Variants in CACNG6 observed in about 807,000 individuals in gnomAD.
CACNG6 encodes the protein voltage-dependent calcium channel gamma-6 subunit.
CACNG6 carries 21 observed loss-of-function variants against 23.9 expected under a neutral mutation model. The ratio of observed to expected loss-of-function variants is 0.88; its 90% CI spans 0.62 to 1.26. CACNG6 has a LOEUF of 1.26. Ranked by LOEUF, CACNG6 falls within the 50% of genes most tolerant of loss-of-function variation. The pLI, the probability that CACNG6 is intolerant of heterozygous loss-of-function variation, is 0.00. For missense variants in CACNG6, 340 were observed against 352.9 expected, an observed-to-expected ratio of 0.96 and a Z score of 0.29; for synonymous variants, 182 against 168.9, an observed-to-expected ratio of 1.08 and a Z score of -0.60.
At chr19:53,995,005 T>C (rs1242879614) in intron 1 of CACNG6, among the ~76,000 whole-genome samples, 3 of 152,036 alleles carry the variant, frequency 2.0e-5, no homozygotes, top group Non-Finnish European at 4.4e-5. Flanking sequence ...TCAAGCATCA[T>C]AGCTAGCCTA....
chr19:54,012,040 C>A lies in CACNG6; in HGVS notation c.634C>A (p.Arg212Ser), dbSNP rs201389291. Residue 212 changes from arginine to serine, a missense_variant, in exon 4 of 4, where the codon CGC becomes AGC. Arg to Ser is a moderately radical substitution (Grantham distance 110). Coordinates refer to ENST00000252729, the MANE Select transcript of CACNG6 (RefSeq NM_145814.2). ...RVSPEPPPAP[R>S]LTYEYSWSLG... Reference sequence around the variant, plus strand: ...CAGCCCGGAGCCTCCCCCGGCCCCACGCCTCACCTACGAGTACTCCTGGTC... The same window carrying A: ...CAGCCCGGAGCCTCCCCCGGCCCCAAGCCTCACCTACGAGTACTCCTGGTC... 3.1e-6 allele frequency: 5 copies of A among 1,605,834 alleles called. No individual in the cohort carries two copies. The highest frequency in any genetic ancestry group is 4.2e-6 in the Non-Finnish European group (5 of 1,176,884).
At position 54,012,234 on chromosome 19, in the gene CACNG6, C is replaced by T; in HGVS notation, c.*45C>T. 1.2e-6 allele frequency: 1 copy of T among 867,174 alleles called. No homozygotes were observed. Among genetic ancestry groups the T allele is most frequent in the Non-Finnish European group, 1.7e-6 (1 of 598,176 alleles). The allele number at this position is 867,174 out of a possible 1,614,324, so 53.7% of individuals were successfully genotyped here. A position where few individuals can be genotyped will look rare whatever the true frequency, so the allele number is the denominator to read the frequency against. On this transcript the variant is annotated 3_prime_UTR_variant, in exon 4 of 4. Transcript: ENST00000252729. ...CTAAGCAACCACCGAGCCCTTTGAC[C>T]TTCTCCATTGTACCCCCAAGATCTT...
At chr19:53,995,650 C>T (rs773810178) in intron 1 of CACNG6, among the ~76,000 whole-genome samples, 21 of 152,348 alleles carry the variant, frequency 1.4e-4, no homozygotes, top group South Asian at 8.3e-4. Flanking sequence ...CGCTCAGTGA[C>T]GTGAAGCACC....
rs1333532019 is a variant in CACNG6, at chr19:53,991,945, A to G, written c.-933A>G. ...GCCGCAGTGCGGACCACAGCCCCAT[A>G]GTGTGAGCCCCAGGAGGGCCCCCGG... is the stretch of plus-strand genomic sequence containing the variant. On this transcript the variant is annotated 5_prime_UTR_variant, in exon 1 of 4. It adds an upstream start codon to the 5' untranslated region. Coordinates refer to ENST00000252729, the MANE Select transcript of CACNG6 (RefSeq NM_145814.2). Among the ~76,000 whole-genome samples, 1 of 151,950 alleles carries G rather than the reference A, an allele frequency of 6.6e-6. No individual in the cohort carries two copies. Among genetic ancestry groups the G allele is most frequent in the East Asian group, 1.9e-4 (1 of 5,162 alleles).
At chr19:54,006,626 C>T (rs1486980660) in intron 3 of CACNG6, among the ~76,000 whole-genome samples, 3 of 149,106 alleles carry the variant, frequency 2.0e-5, no homozygotes, top group African/African-American at 7.4e-5. Context: ...CTCCCCCTCC[C>T]GGGTTCAAGT....
chr19:54,007,915 A>G (rs429533), intron 3 of CACNG6, among the ~76,000 whole-genome samples: 4,415 of 151,680 alleles, frequency 0.029, 100 homozygotes, highest in Non-Finnish European at 0.046. Flanking sequence ...GAAAAGAAAA[A>G]AAAAAAAGAT....
rs527380048 is a variant in CACNG6 at position 53,994,360 on chromosome 19, C to T, written c.331+1152C>T. Among the ~76,000 whole-genome samples the T allele has an allele frequency of 5.3e-5, 8 of 152,244 alleles. No homozygotes were observed. The South Asian group carries it at 8.3e-4, about 16-fold the overall frequency. On this transcript the variant is annotated intron_variant, in intron 1 of 3. Transcript: ENST00000252729. The stretch of plus-strand genomic sequence containing the variant: ...ACATTTCAGCGTTTCTCATTTTCTC[C>T]GAGAGACATTCCCATACTCCCTCCT...
intron 3 of CACNG6, among the ~76,000 whole-genome samples, chr19:54,005,247 A>AAATAAATAAAT (rs924559193): frequency 1.7e-5 from 2 of 120,382 alleles, no homozygotes; most frequent in Admixed American, 1.7e-4. Context: ...ATAAATAAAT[A>AAATAAATAAAT]AATAATAATA....
At position 54,011,984 on chromosome 19, in the gene CACNG6, G is replaced by C. The variant is rs139947484; in HGVS notation, c.578G>C (p.Arg193Pro). The C allele has an allele frequency of 1.2e-5, 19 of 1,585,270 alleles. No homozygotes were observed. Among genetic ancestry groups the C allele is most frequent in the Non-Finnish European group, 1.5e-5 (18 of 1,167,614 alleles). ...LLLLVSLEVF[R>P]HSVRALLQRV... ...CTCTTGGTGAGCCTGGAGGTGTTCC[G>C]GCATTCCGTGAGGGCCCTGCTGCAG... The change falls in exon 4 of 4, where the codon CGG becomes CCG. Residue 193 changes from arginine to proline, a missense_variant. By Grantham distance (103) the Arg-to-Pro change is moderately radical. Coordinates refer to ENST00000252729, the MANE Select transcript of CACNG6 (RefSeq NM_145814.2).
chr19:53,998,140 C>G, intron 1 of CACNG6, 99 bp from the exon 2 acceptor site: 1 of 1,029,280 alleles, frequency 9.7e-7, no homozygotes, highest in Non-Finnish European at 1.5e-6. Flanking sequence ...ATGCTGATGT[C>G]CAAGTTTTAG....
chr19:54,008,751 G>A (rs111465192), intron 3 of CACNG6, among the ~76,000 whole-genome samples: 1,719 of 152,160 alleles, frequency 0.011, 19 homozygotes, highest in African/African-American at 0.038. Context: ...GGCTTTTCTC[G>A]ACACCATCCA....
chr19:54,008,783 G>A (rs539012381), intron 3 of CACNG6, among the ~76,000 whole-genome samples: 1 of 152,276 alleles, frequency 6.6e-6, no homozygotes, highest in African/African-American at 2.4e-5. Flanking sequence ...CCACCCCTGG[G>A]TGCCACTCTC....
intron 2 of CACNG6, among the ~76,000 whole-genome samples, chr19:53,999,273 C>G (rs1182003965): frequency 6.6e-6 from 1 of 152,162 alleles, no homozygotes; most frequent in Non-Finnish European, 1.5e-5. Context: ...GATTTCCAAC[C>G]TGGATCATTC....
At chr19:53,994,607 A>G (rs1480698380) in intron 1 of CACNG6, among the ~76,000 whole-genome samples, 1 of 152,138 alleles carries the variant, frequency 6.6e-6, no homozygotes, top group Non-Finnish European at 1.5e-5. Flanking sequence ...TGAGATCTCC[A>G]GCACTCTTCA....
intron 3 of CACNG6, among the ~76,000 whole-genome samples, chr19:54,004,703 C>G (rs546694550): frequency 2.0e-5 from 3 of 152,198 alleles, no homozygotes; most frequent in Non-Finnish European, 2.9e-5. Context: ...TGCTGTTCCC[C>G]AGACGCTCTA....
chr19:53,993,085 G>A lies in CACNG6; in HGVS notation c.208G>A (p.Ala70Thr). ...CTGGGTGGAGCTCAACACCTACAAG[G>A]CCAACGGCAGCGCCGTGTGCGAAGC... ...EFWVELNTYKANGSAVCEAAH... is the reference protein window; with the variant it reads ...EFWVELNTYKTNGSAVCEAAH... Residue 70 changes from alanine to threonine, a missense_variant, in exon 1 of 4, where the codon GCC becomes ACC. Coordinates refer to ENST00000252729, the MANE Select transcript of CACNG6 (RefSeq NM_145814.2). 1 of 1,543,624 alleles carries A rather than the reference G, an allele frequency of 6.5e-7. No individual in the cohort carries two copies. Among genetic ancestry groups the A allele is most frequent in the South Asian group, 1.2e-5 (1 of 83,544 alleles).
intron 2 of CACNG6, among the ~76,000 whole-genome samples, chr19:53,999,320 C>T (rs1204942987): frequency 6.6e-6 from 1 of 152,184 alleles, no homozygotes; most frequent in Admixed American, 6.6e-5. Context: ...GTCTCCCACA[C>T]ACCCCACTGC....
intron 3 of CACNG6, among the ~76,000 whole-genome samples, chr19:54,005,210 A>AAAATAAATAAATAAATAAATAAAT (rs369829612): frequency 3.0e-5 from 4 of 132,810 alleles, no homozygotes; most frequent in East Asian, 2.3e-4. Flanking sequence ...CTCCATCTCA[A>AAAATAAATAAATAAATAAATAAAT]AAATAAATAA....
rs1181459588 is a variant in CACNG6 at position 53,992,811 on chromosome 19, G to A, written c.-67G>A. 3 of 1,170,946 alleles carry A rather than the reference G, an allele frequency of 2.6e-6. No homozygotes were observed. The highest frequency in any genetic ancestry group is 3.2e-5 in the African/African-American group (2 of 62,760). The allele number at this position is 1,170,946 out of a possible 1,614,324, so 72.5% of individuals were successfully genotyped here. A position where few individuals can be genotyped will look rare whatever the true frequency, so the allele number is the denominator to read the frequency against. The stretch of plus-strand genomic sequence containing the variant: ...CCTTCAAGACCCCAGGCCGCTCCTC[G>A]CTCCCGCCCCTCGAGGCCCTTCGCC... On this transcript the variant is annotated 5_prime_UTR_variant, in exon 1 of 4. Transcript: ENST00000252729. This position sits in a 1 kb window ranked among gnomAD's most constrained non-coding sequence, Gnocchi z 4.1.
Sources: gnomAD v4.1 joint callset for allele counts (sites outside exome capture counted in the v4.1 genomes callset) on GRCh38, gnomAD v4.1.1 for gene constraint, Gnocchi (gnomAD v3.1) non-coding constraint, MANE v1.5 for transcripts, NCBI Gene and HGNC (gene_info 2026-07-23, HGNC 2026-07-21) for gene names.